Variants in KHDRBS1 observed in about 807,000 individuals in gnomAD.
The protein encoded by KHDRBS1 is KH RNA binding domain containing, signal transduction associated 1.
KHDRBS1 carries 7 observed loss-of-function variants against 48.4 expected under a neutral mutation model. The observed-to-expected ratio is 0.14, with a 90% CI of 0.08 to 0.27. The LOEUF (loss-of-function observed/expected upper bound fraction) is 0.27, where lower values mean the gene tolerates loss of function less well. Among genes scored for constraint, KHDRBS1 ranks in the 10% least tolerant of loss-of-function variants. The probability of loss-of-function intolerance (pLI) is 1.00; values close to 1 mark genes in which losing one functional copy is unlikely to be tolerated. For synonymous variants in KHDRBS1, 241 were observed against 235.8 expected (o/e 1.02, Z -0.20); for missense variants, 458 against 601.2 (o/e 0.76, Z 2.49).
At chr1:32,025,382 C>G (rs1217709692) in intron 1 of KHDRBS1, among the ~76,000 whole-genome samples, 2 of 141,898 alleles carry the variant, frequency 1.4e-5, no homozygotes, top group African/African-American at 5.4e-5. Flanking sequence ...CTCACTGTGA[C>G]CTCCGCCTCC....
At chr1:32,014,411 C>T (rs752011787) in intron 1 of KHDRBS1, 34 bp downstream of exon 1, 19 of 1,297,112 alleles carry the variant, frequency 1.5e-5, no homozygotes, top group African/African-American at 4.6e-5. Flanking sequence ...CTGGGTCGCC[C>T]GGCCATCCCG....
At position 32,038,601 on chromosome 1, in the gene KHDRBS1, A is replaced by G. The variant is rs1179385080; in HGVS notation, c.1157A>G (p.Tyr386Cys). The change falls in exon 7 of 9, where the codon TAT becomes TGT. Residue 386 changes from tyrosine to cysteine, a missense_variant. Around this residue, in one of 3 missense-constraint regions of KHDRBS1, gnomAD observed 171 missense variants for 228.7 expected, o/e 0.75. Coordinates refer to ENST00000327300, the MANE Select transcript of KHDRBS1 (RefSeq NM_006559.3). Reference sequence around the variant, plus strand: ...CAAAGTTACGAAGGCTACGAAGGCTATTACAGCCAGAGTCAAGGGTGAGTC... The same window carrying G: ...CAAAGTTACGAAGGCTACGAAGGCTGTTACAGCCAGAGTCAAGGGTGAGTC... The part of the protein sequence containing the change: ...AEQSYEGYEG[Y>C]YSQSQGDSEY... 1 of 1,614,080 alleles carries G rather than the reference A, an allele frequency of 6.2e-7. No homozygotes were observed.
intron 10 of KHDRBS1, among the ~76,000 whole-genome samples, chr1:32,054,313 C>T (rs1639454741): frequency 1.3e-5 from 2 of 152,132 alleles, no homozygotes; most frequent in African/African-American, 4.8e-5. Flanking sequence ...TAAAGTGGCA[C>T]TACTCCTTTG....
At chr1:32,041,450 C>T (rs1004317524) in intron 8 of KHDRBS1, among the ~76,000 whole-genome samples, 6 of 152,130 alleles carry the variant, frequency 3.9e-5, no homozygotes, top group African/African-American at 1.2e-4. Flanking sequence ...AAGAGGTCAC[C>T]TCTAGAATTA....
rs192106626 is a variant in KHDRBS1, at chr1:32,020,394, C to A, written c.382+6017C>A. Reference sequence around the variant, plus strand: ...TGAGCTGAGATCGTGCCACTGCACTCCAGCTTGGGCAACAGTGAGATCCTG... The same window carrying A: ...TGAGCTGAGATCGTGCCACTGCACTACAGCTTGGGCAACAGTGAGATCCTG... On this transcript the variant is annotated intron_variant, in intron 1 of 8. Coordinates refer to ENST00000327300, the MANE Select transcript of KHDRBS1 (RefSeq NM_006559.3). Among the ~76,000 whole-genome samples the A allele has an allele frequency of 2.3e-3, 343 of 150,456 alleles. 1 individual carries two copies. Among genetic ancestry groups the A allele is most frequent in the Non-Finnish European group, 4.0e-3 (265 of 66,892 alleles).
intron 1 of KHDRBS1, 99 bp downstream of exon 1, chr1:32,014,476 GC>G: frequency 8.5e-7 from 1 of 1,175,948 alleles, no homozygotes; most frequent in Non-Finnish European, 1.1e-6. Context: ...CGGGACCGAG[GC>G]AGTCGGGAGT....
At chr1:32,037,191 C>A in intron 5 of KHDRBS1, 148 bp downstream of exon 5, 1 of 883,764 alleles carries the variant, frequency 1.1e-6, no homozygotes, top group Non-Finnish European at 1.7e-6. Flanking sequence ...TACTCTCACA[C>A]CTGTAATCCC....
At chr1:32,037,104 T>A in intron 5 of KHDRBS1, 61 bp downstream of exon 5, 1 of 1,558,750 alleles carries the variant, frequency 6.4e-7, no homozygotes, top group Non-Finnish European at 8.8e-7. Flanking sequence ...GTCATCTCTT[T>A]TAGTGGTGCT....
Position 32,037,960 on chromosome 1 carries a change from C to T in KHDRBS1, c.1031C>T (p.Ala344Val). 6 of 1,614,256 alleles carry T rather than the reference C, an allele frequency of 3.7e-6. No homozygotes were observed. The highest frequency in any genetic ancestry group is 5.1e-6 in the Non-Finnish European group (6 of 1,180,050). ...CCACCTACTGTGAGGGGTGCTCCAG[C>T]ACCAAGAGCACGGACAGCGGGCATC... ...PPPPTVRGAP[A>V]PRARTAGIQR... The change falls in exon 6 of 9, where the codon GCA (alanine) becomes GTA (valine). Residue 344 changes from alanine to valine, a missense_variant. Coordinates refer to ENST00000327300, the MANE Select transcript of KHDRBS1 (RefSeq NM_006559.3).
chr1:32,055,444 G>A (rs562332578), intron 10 of KHDRBS1, among the ~76,000 whole-genome samples: 58 of 152,110 alleles, frequency 3.8e-4, no homozygotes, highest in Non-Finnish European at 3.8e-4. Flanking sequence ...ATAAGACTCC[G>A]TCTCCAAAAA....
At chr1:32,025,815 G>T (rs1638958146) in intron 1 of KHDRBS1, among the ~76,000 whole-genome samples, 1 of 142,858 alleles carries the variant, frequency 7.0e-6, no homozygotes, top group African/African-American at 2.6e-5. Context: ...AGTCATCATA[G>T]TTCACTGCAG....
chr1:32,052,947 G>A (rs978094901), intron 10 of KHDRBS1, among the ~76,000 whole-genome samples: 1 of 151,916 alleles, frequency 6.6e-6, no homozygotes, highest in Non-Finnish European at 1.5e-5. Context: ...CCAGGAGTTC[G>A]GGACTAGCCT....
intron 10 of KHDRBS1, among the ~76,000 whole-genome samples, chr1:32,059,369 C>G (rs1166949093): frequency 1.3e-5 from 2 of 151,606 alleles, no homozygotes; most frequent in Non-Finnish European, 2.9e-5. Flanking sequence ...CCAGTCTGAG[C>G]AACATATGGA....
chr1:32,027,646 G>T (rs1639001760), intron 1 of KHDRBS1, among the ~76,000 whole-genome samples: 1 of 152,174 alleles, frequency 6.6e-6, no homozygotes, highest in Non-Finnish European at 1.5e-5. Flanking sequence ...TTAATTGTCA[G>T]AAAACCAGGA....
At chr1:32,030,096 ACTT>A (rs753872020) in intron 1 of KHDRBS1, among the ~76,000 whole-genome samples, 199 bp from the exon 2 acceptor site, 3 of 152,116 alleles carry the variant, frequency 2.0e-5, no homozygotes, top group Admixed American at 1.3e-4. Flanking sequence ...GGAAGAGTAC[ACTT>A]CTTTTATTAG....
At chr1:32,028,944 T>G (rs1411167128) in intron 1 of KHDRBS1, among the ~76,000 whole-genome samples, 2 of 152,136 alleles carry the variant, frequency 1.3e-5, no homozygotes, top group Non-Finnish European at 2.9e-5. Flanking sequence ...GTCTGGGAAC[T>G]CCAGTATATA....
At position 32,013,868 on chromosome 1, in the gene KHDRBS1, C is replaced by T. The variant is rs1569748332; in HGVS notation, c.-128C>T. On this transcript the variant is annotated 5_prime_UTR_variant, in exon 1 of 9. Transcript: ENST00000327300. ...CGCGCCGCCTCATTTCCGGTGCTCT[C>T]TCTCGCTGGGTCGCTCGGGTCGGCT... 7.7e-6 allele frequency: 7 copies of T among 904,926 alleles called. No homozygotes were observed. The East Asian group carries it at 1.7e-4, about 21-fold the overall frequency. The allele number at this position is 904,926 out of a possible 1,614,324, so 56.1% of individuals were successfully genotyped here.
intron 6 of KHDRBS1, 21 bp downstream of exon 6, chr1:32,038,057 G>T (rs1336327718): frequency 1.9e-6 from 3 of 1,613,042 alleles, no homozygotes; most frequent in Non-Finnish European, 2.5e-6. Flanking sequence ...TGAACAATGT[G>T]CCATTTCCCA....
At chr1:32,038,922 A>C (rs1324865351) in intron 7 of KHDRBS1, among the ~76,000 whole-genome samples, 1 of 152,222 alleles carries the variant, frequency 6.6e-6, no homozygotes, top group East Asian at 1.9e-4. Context: ...GTGAACCTTA[A>C]ATTATAATTT....
Sources: gnomAD v4.1 joint callset for allele counts (sites outside exome capture counted in the v4.1 genomes callset) on GRCh38, gnomAD v4.1.1 for gene constraint, gnomAD v4.1.1 regional missense constraint, MANE v1.5 for transcripts, NCBI Gene and HGNC (gene_info 2026-07-23, HGNC 2026-07-21) for gene names.